SATB1: variants seen among roughly 807,000 people sequenced by gnomAD.
SATB1 encodes SATB homeobox 1.
In SATB1, 11 loss-of-function variants were observed where a neutral mutation model predicts 86.9. The observed-to-expected ratio is 0.13, with a 90% CI of 0.08 to 0.21. The LOEUF is 0.21. Ranked by LOEUF, SATB1 falls within the 10% of genes least tolerant of loss-of-function variation. The probability of loss-of-function intolerance (pLI) is 1.00; values close to 1 mark genes in which losing one functional copy is unlikely to be tolerated. For missense variants in SATB1, 551 were observed against 937.6 expected (o/e 0.59, Z 5.39); for synonymous variants, 357 against 357.2 (o/e 1.00, Z 0.01).
At chr3:18,405,338 T>G (rs1249120633) in intron 5 of SATB1, among the ~76,000 whole-genome samples, 1 of 151,900 alleles carries the variant, frequency 6.6e-6, no homozygotes, top group Non-Finnish European at 1.5e-5. Context: ...TCTCTAGAGA[T>G]TACAATTTCT....
At chr3:18,422,852 TAAC>T (rs1698462614) in intron 1 of SATB1, among the ~76,000 whole-genome samples, 1 of 152,194 alleles carries the variant, frequency 6.6e-6, no homozygotes, top group Admixed American at 6.5e-5. Flanking sequence ...TCATGAGGCT[TAAC>T]AACACTAGAA....
intron 9 of SATB1, among the ~76,000 whole-genome samples, chr3:18,370,423 TCTC>T (rs1695411572): frequency 7.0e-6 from 1 of 142,298 alleles, no homozygotes; most frequent in African/African-American, 2.6e-5. Flanking sequence ...CCCCAACAAA[TCTC>T]CTCTAAACAA....
chr3:18,417,392 A>G, intron 2 of SATB1: 2 of 559,394 alleles, frequency 3.6e-6, no homozygotes, highest in South Asian at 2.4e-5. Context: ...AATGGTGACG[A>G]AAGAGAAATA....
intron 2 of SATB1, among the ~76,000 whole-genome samples, chr3:18,436,506 C>CAAAAAAAAAA (rs71055011): frequency 8.8e-6 from 1 of 113,852 alleles, no homozygotes. Context: ...CAGGTGCTAC[C>CAAAAAAAAAA]AAAAAAAAAA....
chr3:18,387,516 C>CT (rs1204498878), intron 7 of SATB1, among the ~76,000 whole-genome samples: 1 of 152,082 alleles, frequency 6.6e-6, no homozygotes, highest in African/African-American at 2.4e-5. Context: ...ATTTTTTTAA[C>CT]TTTTGGAAGA....
chr3:18,444,538 A>T lies in SATB1; in HGVS notation c.-25+980T>A. On this transcript the variant is annotated intron_variant, in intron 1 of 3. Transcript: ENST00000415069. The surrounding 1 kb of genome is among the most constrained non-coding windows in gnomAD (Gnocchi z 5.1). Reference sequence around the variant, plus strand: ...ACGGAGAAGTTTGGATTGATTCCGGAAAAAGAGGGACAGAGATAAAACAGC... The same window carrying T: ...ACGGAGAAGTTTGGATTGATTCCGGTAAAAGAGGGACAGAGATAAAACAGC... The T allele has an allele frequency of 3.1e-6, 3 of 970,364 alleles. No homozygotes were observed. The highest frequency in any genetic ancestry group is 3.7e-6 in the Non-Finnish European group (3 of 816,240). The allele number at this position is 970,364 out of a possible 1,614,324, so 60.1% of individuals were successfully genotyped here. A position where few individuals can be genotyped will look rare whatever the true frequency, so the allele number is the denominator to read the frequency against.
chr3:18,353,393 ATCC>A (rs1214397258), intron 9 of SATB1, among the ~76,000 whole-genome samples: 5 of 151,832 alleles, frequency 3.3e-5, no homozygotes, highest in African/African-American at 4.8e-5. Context: ...TCGCTTCCCT[ATCC>A]TCCTCCTTTC....
At chr3:18,390,802 G>A (rs180979211) in intron 7 of SATB1, among the ~76,000 whole-genome samples, 9 of 152,228 alleles carry the variant, frequency 5.9e-5, no homozygotes, top group Admixed American at 5.2e-4. Context: ...TGGGATCAGA[G>A]TTAAACTCTG....
In SATB1 at chr3:18,420,822, C is replaced by G. The variant is rs1251300331; in HGVS notation, c.146G>C (p.Gly49Ala). The change falls in exon 2 of 11, where the codon GGT becomes GCT. Residue 49 changes from glycine to alanine, a missense_variant. Around this residue, in one of 8 missense-constraint regions of SATB1, gnomAD observed 153 missense variants for 258.1 expected, o/e 0.59. Transcript: ENST00000338745. The part of the protein sequence containing the change: ...PLGRGRLGST[G>A]AKMQGVPLKH... ...TAAAGGCACTCCCTGCATTTTTGCA[C>G]CTGTACTCCCAAGCCTTCCTCTTCC... The G allele has an allele frequency of 1.2e-6, 2 of 1,614,048 alleles. No individual in the cohort carries two copies. The highest frequency in any genetic ancestry group is 1.7e-6 in the Non-Finnish European group (2 of 1,180,042).
chr3:18,432,553 T>A (rs1698921519), intron 2 of SATB1, among the ~76,000 whole-genome samples: 1 of 152,092 alleles, frequency 6.6e-6, no homozygotes, highest in African/African-American at 2.4e-5. Context: ...AAAGCCACCA[T>A]CAGAAACAAA....
chr3:18,419,028 T>C (rs1278705320), intron 2 of SATB1, among the ~76,000 whole-genome samples: 2 of 152,186 alleles, frequency 1.3e-5, no homozygotes, highest in Non-Finnish European at 2.9e-5. Flanking sequence ...ATGAATCAGA[T>C]GTATTCTACA....
At chr3:18,376,915 T>C (rs931908735) in intron 9 of SATB1, among the ~76,000 whole-genome samples, 6 of 152,214 alleles carry the variant, frequency 3.9e-5, no homozygotes, top group African/African-American at 1.4e-4. Context: ...GTAGAAATTA[T>C]CACTTTGACA....
At chr3:18,402,634 C>A (rs187702070) in intron 5 of SATB1, among the ~76,000 whole-genome samples, 2 of 152,050 alleles carry the variant, frequency 1.3e-5, no homozygotes. Flanking sequence ...CAGCCTGTAC[C>A]GGAAGCCAGC....
chr3:18,407,764 C>T (rs1697619738), intron 5 of SATB1, among the ~76,000 whole-genome samples: 2 of 151,978 alleles, frequency 1.3e-5, no homozygotes, highest in South Asian at 2.1e-4. Flanking sequence ...AATGAAGTTG[C>T]TGAAGAAATG....
At chr3:18,425,534 A>G, upstream of SATB1, among the ~76,000 whole-genome samples, 1 of 149,520 alleles carries the variant, frequency 6.7e-6, no homozygotes, top group Non-Finnish European at 1.5e-5. Flanking sequence ...GCCGAAAGAC[A>G]AGTAACTAGT....
At chr3:18,390,784 CCA>C (rs1362819779) in intron 7 of SATB1, among the ~76,000 whole-genome samples, 1 of 151,982 alleles carries the variant, frequency 6.6e-6, no homozygotes, top group East Asian at 1.9e-4. Flanking sequence ...GGGAAAAAAG[CCA>C]CAGAGTGGGA....
chr3:18,360,661 G>A (rs777223146), intron 9 of SATB1, among the ~76,000 whole-genome samples: 4 of 152,026 alleles, frequency 2.6e-5, no homozygotes, highest in Non-Finnish European at 5.9e-5. Flanking sequence ...TGAGCCTCAA[G>A]ATTCTTCCTC....
At chr3:18,377,332 A>C (rs1695810420) in intron 9 of SATB1, among the ~76,000 whole-genome samples, 1 of 152,146 alleles carries the variant, frequency 6.6e-6, no homozygotes, top group South Asian at 2.1e-4. Flanking sequence ...AGTGTTATGA[A>C]ATTCTTTTTC....
At chr3:18,438,618 A>AAC (rs1347593729) in exon 1 of SATB1, 1 of 152,238 alleles carries the variant, frequency 6.6e-6, no homozygotes, top group Non-Finnish European at 1.5e-5. Flanking sequence ...AGATGTCTGA[A>AAC]AAAGTAGTCT....
Sources: gnomAD v4.1 joint callset for allele counts (sites outside exome capture counted in the v4.1 genomes callset) on GRCh38, gnomAD v4.1.1 for gene constraint, gnomAD v4.1.1 regional missense constraint, Gnocchi (gnomAD v3.1) non-coding constraint, MANE v1.5 for transcripts, NCBI Gene and HGNC (gene_info 2026-07-23, HGNC 2026-07-21) for gene names.